Variants in SEMA6D observed in about 807,000 individuals in gnomAD.
SEMA6D encodes semaphorin 6D.
In SEMA6D, 35 loss-of-function variants were observed where a neutral mutation model predicts 106.6. The observed-to-expected ratio is 0.33, with a 90% CI of 0.25 to 0.44. The LOEUF is 0.44. SEMA6D is among the 20% of genes least tolerant of loss of function. SEMA6D has a pLI of 1.00. For synonymous variants in SEMA6D, 499 were observed against 487.7 expected, an observed-to-expected ratio of 1.02 and a Z score of -0.31; for missense variants, 1,185 against 1,345.9, an observed-to-expected ratio of 0.88 and a Z score of 1.87.
chr15:47,226,279 T>C (rs932896834), intron 1 of SEMA6D, among the ~76,000 whole-genome samples: 2 of 152,208 alleles, frequency 1.3e-5, no homozygotes, highest in African/African-American at 4.8e-5. Flanking sequence ...GCCAACATCT[T>C]GATCTCAGAT....
chr15:47,416,598 A>G (rs1333904614), intron 2 of SEMA6D, among the ~76,000 whole-genome samples: 1 of 152,140 alleles, frequency 6.6e-6, no homozygotes, highest in African/African-American at 2.4e-5. Context: ...TATTATTTCT[A>G]GCATTTCCAA....
chr15:47,624,567 G>T (rs1465179579), intron 4 of SEMA6D, among the ~76,000 whole-genome samples: 1 of 152,154 alleles, frequency 6.6e-6, no homozygotes, highest in African/African-American at 2.4e-5. Flanking sequence ...CATCAACAAA[G>T]CTGAAATGTA....
In SEMA6D at chr15:47,730,034, T is replaced by C. The variant is rs1342761168; in HGVS notation, c.-55+12342T>C. On this transcript the variant is annotated intron_variant, in intron 1 of 18. Coordinates refer to ENST00000536845, the MANE Select transcript of SEMA6D (RefSeq NM_001358351.3). ...TCTTTCTAGTAGTGAGATCCCTTAATGCTATGTTTATCTTCCCATTTTATT... is the reference window on the plus strand; with the variant it reads ...TCTTTCTAGTAGTGAGATCCCTTAACGCTATGTTTATCTTCCCATTTTATT... The C allele has an allele frequency of 6.7e-6, 4 of 594,752 alleles. No homozygotes were observed. The Admixed American group carries it at 1.1e-4, about 16-fold the overall frequency. The allele number at this position is 594,752 out of a possible 1,614,324, so 36.8% of individuals were successfully genotyped here.
rs182143417 is a variant in SEMA6D, at chr15:47,311,469, C to G, written c.-238-100924C>G. Among the ~76,000 whole-genome samples, 228 of 152,088 alleles carry G rather than the reference C, an allele frequency of 1.5e-3. 1 individual carries two copies. Among genetic ancestry groups the G allele is most frequent in the Non-Finnish European group, 2.4e-3 (161 of 67,988 alleles). Reference sequence around the variant, plus strand: ...ATGGGAGGACATTGAATGTAATGCCCGCCAGAGGGGTTATGTGGATTTTTT... The same window carrying G: ...ATGGGAGGACATTGAATGTAATGCCGGCCAGAGGGGTTATGTGGATTTTTT... On this transcript the variant is annotated intron_variant, in intron 1 of 19. Transcript: ENST00000558014.
intron 2 of SEMA6D, among the ~76,000 whole-genome samples, chr15:47,443,166 A>C (rs2041932432): frequency 6.6e-6 from 1 of 152,140 alleles, no homozygotes; most frequent in South Asian, 2.1e-4. Context: ...GTAGTTTCCA[A>C]AAAAACTTTA....
In SEMA6D at chr15:47,284,360, A is replaced by C. The variant is rs1023004441; in HGVS notation, c.-239+99942A>C. On this transcript the variant is annotated intron_variant, in intron 1 of 19. Coordinates refer to the SEMA6D transcript ENST00000558014. ...GAACACTGGGTTACACTGAATCTGC[A>C]GTTGTGGTCATATGTCACTGGGCCC... Among the ~76,000 whole-genome samples the C allele has an allele frequency of 1.3e-5, 2 of 152,222 alleles. 1 individual carries two copies. Among genetic ancestry groups the C allele is most frequent in the South Asian group, 4.1e-4 (2 of 4,832 alleles).
intron 2 of SEMA6D, among the ~76,000 whole-genome samples, chr15:47,455,877 T>A (rs1242467009): frequency 2.0e-5 from 3 of 151,772 alleles, no homozygotes; most frequent in Non-Finnish European, 4.4e-5. Flanking sequence ...TAGTCATGAG[T>A]TTTCATAGGA....
chr15:47,311,487 G>A (rs1485167178), intron 1 of SEMA6D, among the ~76,000 whole-genome samples: 2 of 152,062 alleles, frequency 1.3e-5, no homozygotes, highest in Non-Finnish European at 2.9e-5. Flanking sequence ...GGGTTATGTG[G>A]ATTTTTTTTA....
intron 1 of SEMA6D, among the ~76,000 whole-genome samples, chr15:47,326,156 A>G (rs1218211167): frequency 6.6e-6 from 1 of 152,180 alleles, no homozygotes; most frequent in African/African-American, 2.4e-5. Context: ...CTCTAATGCA[A>G]TTTTCACTAA....
chr15:47,651,159 CAGCACTTTGGGAGGCTG>C (rs1201528232), intron 4 of SEMA6D, among the ~76,000 whole-genome samples: 1 of 152,152 alleles, frequency 6.6e-6, no homozygotes, highest in Non-Finnish European at 1.5e-5. Context: ...CCTGTAATCC[CAGCACTTTGGGAGGCTG>C]AGGCATGGGA....
At position 47,765,927 on chromosome 15, in the gene SEMA6D, C is replaced by A; in HGVS notation, c.1486C>A (p.His496Asn). The A allele has an allele frequency of 6.4e-7, 1 of 1,574,294 alleles. No individual in the cohort carries two copies. ...KVISLQLDKD[H>N]HALYVAFSSC... ...CATCTCATTACAGTTGGATAAAGAT[C>A]ACCACGCTTTATATGTGGCGTTCTC... Residue 496 changes from histidine (H) to asparagine (N), a missense_variant, in exon 14 of 19, where the codon CAC becomes AAC. By Grantham distance (68) the His-to-Asn change is moderately conservative (BLOSUM62 1). Coordinates refer to ENST00000536845, the MANE Select transcript of SEMA6D (RefSeq NM_001358351.3).
At chr15:47,337,607 T>A (rs1020180273) in intron 1 of SEMA6D, among the ~76,000 whole-genome samples, 1 of 152,164 alleles carries the variant, frequency 6.6e-6, no homozygotes, top group Non-Finnish European at 1.5e-5. Flanking sequence ...TTTCCAACAA[T>A]GGGCAGAGAG....
At chr15:47,609,269 TAAG>T (rs1197055912) in intron 4 of SEMA6D, among the ~76,000 whole-genome samples, 4 of 152,080 alleles carry the variant, frequency 2.6e-5, no homozygotes, top group Non-Finnish European at 4.4e-5. Context: ...GTAAATGAAA[TAAG>T]AAGATATAGA....
At chr15:47,534,192 T>A (rs1027412563) in intron 3 of SEMA6D, among the ~76,000 whole-genome samples, 90 of 151,968 alleles carry the variant, frequency 5.9e-4, no homozygotes, top group African/African-American at 2.1e-3. Context: ...AAAAATGCCT[T>A]CTTTTTTTTT....
chr15:47,392,421 G>T (rs892624019), intron 1 of SEMA6D, among the ~76,000 whole-genome samples: 1 of 152,146 alleles, frequency 6.6e-6, no homozygotes, highest in African/African-American at 2.4e-5. Context: ...CTAATCACAT[G>T]TGTTTTTATA....
At chr15:47,666,036 A>G (rs1262425265) in intron 4 of SEMA6D, among the ~76,000 whole-genome samples, 1 of 152,180 alleles carries the variant, frequency 6.6e-6, no homozygotes, top group Non-Finnish European at 1.5e-5. Context: ...TTGCTATCCT[A>G]AAGTTAGATG....
chr15:47,595,198 A>G (rs2076510995), intron 3 of SEMA6D, among the ~76,000 whole-genome samples: 1 of 152,188 alleles, frequency 6.6e-6, no homozygotes, highest in East Asian at 1.9e-4. Context: ...GGTTAATGTC[A>G]GCTGTAGGGT....
At chr15:47,491,271 G>C (rs919610727) in intron 3 of SEMA6D, among the ~76,000 whole-genome samples, 1 of 152,060 alleles carries the variant, frequency 6.6e-6, no homozygotes, top group Non-Finnish European at 1.5e-5. Flanking sequence ...TTTGACAAGA[G>C]ACTGTAAAAA....
intron 3 of SEMA6D, among the ~76,000 whole-genome samples, chr15:47,567,864 A>G (rs2046272965): frequency 6.6e-6 from 1 of 152,224 alleles, no homozygotes; most frequent in African/African-American, 2.4e-5. Flanking sequence ...TGAATGAATG[A>G]AATCACTAGG....
Sources: allele counts gnomAD v4.1 joint callset (sites outside exome capture counted in the v4.1 genomes callset), GRCh38; gene constraint gnomAD v4.1.1; transcripts MANE v1.5; gene names NCBI Gene and HGNC (gene_info 2026-07-23, HGNC 2026-07-21).